Variants in FAM227B observed in about 807,000 individuals in gnomAD.
FAM227B encodes the protein protein FAM227B.
FAM227B carries 88 observed loss-of-function variants against 73.8 expected under a neutral mutation model. The observed-to-expected ratio is 1.19, with a 90% CI of 1.00 to 1.42. The LOEUF (loss-of-function observed/expected upper bound fraction) is 1.42. FAM227B is among the 40% of genes most tolerant of loss of function. The pLI is 0.00. For missense variants in FAM227B, 632 were observed against 590.9 expected (o/e 1.07, Z -0.72); for synonymous variants, 210 against 190.5 (o/e 1.10, Z -0.84).
chr15:49,536,382 G>A (rs1480630660), intron 10 of FAM227B, among the ~76,000 whole-genome samples: 1 of 151,822 alleles, frequency 6.6e-6, no homozygotes, highest in Non-Finnish European at 1.5e-5. Context: ...AAAGTCTGCA[G>A]ACTGAACACT....
intron 12 of FAM227B, among the ~76,000 whole-genome samples, chr15:49,369,771 CT>C (rs2151470314): frequency 6.6e-6 from 1 of 152,224 alleles, no homozygotes; most frequent in South Asian, 2.1e-4. Flanking sequence ...AAAACTTATA[CT>C]TTTTTTGAGC....
intron 10 of FAM227B, among the ~76,000 whole-genome samples, chr15:49,515,152 G>A (rs1404463206): frequency 6.6e-6 from 1 of 151,954 alleles, no homozygotes; most frequent in Non-Finnish European, 1.5e-5. Context: ...TGGATGCTCT[G>A]TTCTGTATTT....
Position 49,376,209 on chromosome 15 carries a change from G to A in FAM227B, c.1013-4810C>T, listed in dbSNP as rs545183375. Among the ~76,000 whole-genome samples, 139 of 151,946 alleles carry A rather than the reference G, an allele frequency of 9.1e-4. 5 individuals carry two copies. In the South Asian group the frequency reaches 0.028, roughly 30 times the overall value. On this transcript the variant is annotated intron_variant, in intron 11 of 15. Coordinates refer to ENST00000299338, the MANE Select transcript of FAM227B (RefSeq NM_152647.3). ...ATCTAAGACTCATTCCTAAATCAAGGTCACGAAGAGTTACTCCTGTTTTCT... is the reference window on the plus strand; with the variant it reads ...ATCTAAGACTCATTCCTAAATCAAGATCACGAAGAGTTACTCCTGTTTTCT...
chr15:49,586,915 T>A (rs1046675280), intron 5 of FAM227B, among the ~76,000 whole-genome samples: 4 of 152,154 alleles, frequency 2.6e-5, no homozygotes, highest in African/African-American at 9.6e-5. Flanking sequence ...GGAATGCTTA[T>A]AATACACAGC....
intron 13 of FAM227B, among the ~76,000 whole-genome samples, chr15:49,340,879 G>C (rs1342630479): frequency 6.6e-6 from 1 of 152,068 alleles, no homozygotes; most frequent in Non-Finnish European, 1.5e-5. Flanking sequence ...TTTTCTTCTA[G>C]GATTCTTATA....
At chr15:49,591,029 G>GTTTTTTTTTTTTTTTTTTTTTTTTTTTT (rs71424023) in intron 3 of FAM227B, among the ~76,000 whole-genome samples, 10 of 105,604 alleles carry the variant, frequency 9.5e-5, no homozygotes, top group Admixed American at 2.9e-4. Context: ...TCTTTTTTTT[G>GTTTTTTTTTTTTTTTTTTTTTTTTTTTT]TTTTTTTTTT....
At chr15:49,412,724 T>C (rs1383891226) in intron 11 of FAM227B, among the ~76,000 whole-genome samples, 1 of 152,008 alleles carries the variant, frequency 6.6e-6, no homozygotes, top group Non-Finnish European at 1.5e-5. Context: ...ATTAGAAAAA[T>C]GAGGGAGGAT....
At chr15:49,500,531 A>G (rs899293907) in intron 11 of FAM227B, among the ~76,000 whole-genome samples, 3 of 152,262 alleles carry the variant, frequency 2.0e-5, no homozygotes, top group Non-Finnish European at 4.4e-5. Context: ...ATCATCAGAG[A>G]AATTAAAATA....
At chr15:49,597,328 A>G (rs2076943212) in intron 3 of FAM227B, among the ~76,000 whole-genome samples, 2 of 152,054 alleles carry the variant, frequency 1.3e-5, no homozygotes, top group Admixed American at 1.3e-4. Flanking sequence ...AACCCTTAAA[A>G]CCATGCAAAT....
chr15:49,616,598 G>A (rs1184689157), intron 1 of FAM227B, among the ~76,000 whole-genome samples: 1 of 152,092 alleles, frequency 6.6e-6, no homozygotes, highest in Non-Finnish European at 1.5e-5. Context: ...TCACACTGAT[G>A]GCACCTTGGT....
At chr15:49,396,785 T>C (rs1358672330) in intron 11 of FAM227B, among the ~76,000 whole-genome samples, 3 of 149,308 alleles carry the variant, frequency 2.0e-5, no homozygotes, top group East Asian at 2.0e-4. Context: ...CGGCTGAGGG[T>C]CCTGTCTGTT....
intron 11 of FAM227B, among the ~76,000 whole-genome samples, chr15:49,471,556 T>C (rs1226703322): frequency 6.6e-6 from 1 of 150,546 alleles, no homozygotes; most frequent in Non-Finnish European, 1.5e-5. Context: ...TGAATTTATA[T>C]ACAGAAGAAA....
rs2045116305 is a variant in FAM227B, at chr15:49,366,015, A to C, written c.1271+1433T>G. 5.0e-6 allele frequency: 4 copies of C among 802,738 alleles called. No homozygotes were observed. In the Admixed American group the frequency reaches 6.8e-5, roughly 14 times the overall value. The allele number at this position is 802,738 out of a possible 1,614,324, so 49.7% of individuals were successfully genotyped here. On this transcript the variant is annotated intron_variant, in intron 13 of 15. Coordinates refer to ENST00000299338, the MANE Select transcript of FAM227B (RefSeq NM_152647.3). ...CACAGTAGATGACTACAAATATTAC[A>C]ACTGTAAGAGGACTAAAAGTTAGAT... is the stretch of plus-strand genomic sequence containing the variant.
At chr15:49,379,469 T>G (rs909061107) in intron 11 of FAM227B, among the ~76,000 whole-genome samples, 2 of 152,138 alleles carry the variant, frequency 1.3e-5, no homozygotes, top group African/African-American at 4.8e-5. Context: ...ATCTCAATAT[T>G]TGTTATTCAT....
At chr15:49,604,099 G>C (rs747659947) in intron 3 of FAM227B, among the ~76,000 whole-genome samples, 1 of 152,086 alleles carries the variant, frequency 6.6e-6, no homozygotes, top group Non-Finnish European at 1.5e-5. Flanking sequence ...TTATAATAGA[G>C]TTAAAAGTAA....
intron 11 of FAM227B, among the ~76,000 whole-genome samples, chr15:49,429,851 G>A (rs1468671111): frequency 1.3e-5 from 2 of 151,826 alleles, no homozygotes; most frequent in Non-Finnish European, 2.9e-5. Context: ...ATCTCACAAA[G>A]GTGGGAAGGA....
rs116776112 is a variant in FAM227B, at chr15:49,366,700, C to T, written c.1271+748G>A. On this transcript the variant is annotated intron_variant, in intron 13 of 15. Coordinates refer to ENST00000299338, the MANE Select transcript of FAM227B (RefSeq NM_152647.3). The stretch of plus-strand genomic sequence containing the variant: ...GCGGCCCCATCGGACTGGTGGGTGG[C>T]GGGTGGGGTGGCGCGGCGCGGCTCA... 5,092 of 1,409,866 alleles carry T rather than the reference C, an allele frequency of 3.6e-3. 158 individuals are homozygous for T. The African/African-American group carries it at 0.062, about 17-fold the overall frequency. The allele number at this position is 1,409,866 out of a possible 1,614,324, so 87.3% of individuals were successfully genotyped here.
chr15:49,490,177 C>T (rs1175918061), intron 11 of FAM227B, among the ~76,000 whole-genome samples: 1 of 151,748 alleles, frequency 6.6e-6, no homozygotes, highest in African/African-American at 2.4e-5. Context: ...CCCAGCCCCT[C>T]CTGCCCCTAG....
chr15:49,394,450 T>C (rs1030996242), intron 11 of FAM227B, among the ~76,000 whole-genome samples: 3 of 151,922 alleles, frequency 2.0e-5, no homozygotes, highest in African/African-American at 7.3e-5. Context: ...GAAATAAAGG[T>C]GGAAGTAGTT....
Sources: allele counts gnomAD v4.1 joint callset (sites outside exome capture counted in the v4.1 genomes callset), GRCh38; gene constraint gnomAD v4.1.1; transcripts MANE v1.5; gene names NCBI Gene and HGNC (gene_info 2026-07-23, HGNC 2026-07-21).